SRC: variants seen among roughly 807,000 people sequenced by gnomAD.
SRC encodes the protein SRC proto-oncogene, non-receptor tyrosine kinase.
In SRC, 13 loss-of-function variants were observed where a neutral mutation model predicts 62.9. The ratio of observed to expected loss-of-function variants is 0.21; its 90% CI spans 0.13 to 0.33. The LOEUF (loss-of-function observed/expected upper bound fraction) is 0.33, where lower values mean the gene tolerates loss of function less well. Among genes scored for constraint, SRC ranks in the 10% least tolerant of loss-of-function variants. The pLI is 1.00. For missense variants in SRC, 457 were observed against 737.3 expected, an observed-to-expected ratio of 0.62 and a Z score of 4.40; for synonymous variants, 302 against 317.5, an observed-to-expected ratio of 0.95 and a Z score of 0.52.
Position 37,351,050 on chromosome 20 carries a change from TCCTTC to T in SRC, c.-247+4798_-247+4802del, listed in dbSNP as rs2069794262. Among the ~76,000 whole-genome samples, 1 of 152,198 alleles carries T rather than the reference TCCTTC, an allele frequency of 6.6e-6. No homozygotes were observed. Among genetic ancestry groups the T allele is most frequent in the Non-Finnish European group, 1.5e-5 (1 of 68,028 alleles). ...GACTCTCCCCAGCCAGCCAGCCTCCTCCTTCCCACAGTACAGCCTGGTAAGGCTGA... is the reference window on the plus strand; with the variant it reads ...GACTCTCCCCAGCCAGCCAGCCTCCTCCACAGTACAGCCTGGTAAGGCTGA... On this transcript the variant is annotated intron_variant, in intron 1 of 13. Coordinates refer to ENST00000373578, the MANE Select transcript of SRC (RefSeq NM_198291.3). The surrounding 1 kb of genome is among the most constrained non-coding windows in gnomAD (Gnocchi z 4.4).
intron 2 of SRC, among the ~76,000 whole-genome samples, chr20:37,366,226 A>G (rs562394170): frequency 6.6e-6 from 1 of 152,262 alleles, no homozygotes; most frequent in Non-Finnish European, 1.5e-5. Context: ...ATTGTCTTTC[A>G]GAGAGATTGT....
intron 7 of SRC, among the ~76,000 whole-genome samples, chr20:37,395,514 G>A (rs1395047769): frequency 6.6e-6 from 1 of 152,260 alleles, no homozygotes; most frequent in Non-Finnish European, 1.5e-5. Context: ...CTATGCTCAA[G>A]GGAAAGAGGG....
At chr20:37,346,283 C>A (rs1279720067) in intron 1 of SRC, 28 bp downstream of exon 1, 1 of 149,060 alleles carries the variant, frequency 6.7e-6, no homozygotes, top group East Asian at 2.0e-4. Context: ...CTCCGCGGAC[C>A]CCCCGCCCCG....
chr20:37,370,992 T>TCTTCTTC (rs200522390), intron 2 of SRC, among the ~76,000 whole-genome samples: 1 of 146,508 alleles, frequency 6.8e-6, no homozygotes, highest in African/African-American at 2.5e-5. Context: ...TTCTTCTTCT[T>TCTTCTTC]TTTTTTTTTT....
intron 5 of SRC, among the ~76,000 whole-genome samples, chr20:37,390,628 C>A (rs1601006153): frequency 6.6e-6 from 1 of 152,278 alleles, no homozygotes; most frequent in Non-Finnish European, 1.5e-5. Flanking sequence ...TGGTCTCGAA[C>A]TCCTGACCTC....
Position 37,384,790 on chromosome 20 carries a change from T to TG in SRC, c.250+390dup, listed in dbSNP as rs1304356659. On this transcript the variant is annotated intron_variant, in intron 4 of 13. Coordinates refer to ENST00000373578, the MANE Select transcript of SRC (RefSeq NM_198291.3). The surrounding 1 kb of genome is among the most constrained non-coding windows in gnomAD (Gnocchi z 6.7). ...GGCCCACGTGCGGCGGAGGGGCAGC[T>TG]GGGTCGCTCGGGGAACGGGGCACCG... Among the ~76,000 whole-genome samples the TG allele has an allele frequency of 6.6e-6, 1 of 152,150 alleles. No homozygotes were observed. The highest frequency in any genetic ancestry group is 1.5e-5 in the Non-Finnish European group (1 of 68,004).
intron 5 of SRC, among the ~76,000 whole-genome samples, chr20:37,388,992 T>C (rs2070500792): frequency 6.6e-6 from 1 of 151,926 alleles, no homozygotes; most frequent in South Asian, 2.1e-4. Flanking sequence ...GAATCTAGCA[T>C]GGGGCCCAGG....
In SRC at chr20:37,403,586, A is replaced by G; in HGVS notation, c.*207A>G. ...AGGGCGGTGGGTATGCGAGACCAGC[A>G]CGGTGACTCTGTCCAGCTCCCGCTG... On this transcript the variant is annotated 3_prime_UTR_variant, in exon 14 of 14. Coordinates refer to ENST00000373578, the MANE Select transcript of SRC (RefSeq NM_198291.3). The surrounding 1 kb of genome is among the most constrained non-coding windows in gnomAD (Gnocchi z 7.1). 1 of 601,064 alleles carries G rather than the reference A, an allele frequency of 1.7e-6. No homozygotes were observed. The highest frequency in any genetic ancestry group is 2.0e-5 in the South Asian group (1 of 49,284). 37.2% of individuals were successfully genotyped at this position (601,064 alleles called of 1,614,324 possible).
chr20:37,362,926 T>C (rs554872459), intron 1 of SRC, among the ~76,000 whole-genome samples: 1 of 152,308 alleles, frequency 6.6e-6, no homozygotes, highest in Non-Finnish European at 1.5e-5. Context: ...AAACTGAGGC[T>C]GCAGGACTGA....
chr20:37,357,966 G>T (rs1369340181), intron 1 of SRC, among the ~76,000 whole-genome samples: 10 of 152,206 alleles, frequency 6.6e-5, no homozygotes, highest in Non-Finnish European at 1.5e-4. Context: ...GAGGGATGGG[G>T]TTGGTGGAGG....
intron 1 of SRC, among the ~76,000 whole-genome samples, chr20:37,350,717 C>G (rs781675814): frequency 2.0e-5 from 3 of 152,212 alleles, no homozygotes; most frequent in Non-Finnish European, 2.9e-5. Context: ...CCATTCTCCT[C>G]CCTGTTGGGG....
chr20:37,379,942 TAAAAAAAAA>T (rs57772720), intron 2 of SRC, among the ~76,000 whole-genome samples: 5 of 51,468 alleles, frequency 9.7e-5, no homozygotes, highest in Non-Finnish European at 1.7e-4. Context: ...GAGCTTGGAG[TAAAAAAAAA>T]AAAAAAAAAA....
chr20:37,373,503 G>C (rs2070230085), intron 2 of SRC, among the ~76,000 whole-genome samples: 1 of 149,836 alleles, frequency 6.7e-6, no homozygotes, highest in South Asian at 2.1e-4. Flanking sequence ...TGGATATGAG[G>C]TTTCACCATG....
intron 1 of SRC, among the ~76,000 whole-genome samples, chr20:37,357,023 C>T (rs770111719): frequency 6.6e-6 from 1 of 152,198 alleles, no homozygotes; most frequent in African/African-American, 2.4e-5. Context: ...CTGCCCGCCT[C>T]GTGGGTCTGT....
intron 2 of SRC, among the ~76,000 whole-genome samples, chr20:37,371,474 G>C (rs1324486815): frequency 6.6e-6 from 1 of 151,412 alleles, no homozygotes; most frequent in African/African-American, 2.4e-5. Context: ...TTTTTTTCTT[G>C]TTCAGTGTAG....
At chr20:37,353,281 C>G (rs1279197966) in intron 1 of SRC, among the ~76,000 whole-genome samples, 1 of 152,138 alleles carries the variant, frequency 6.6e-6, no homozygotes, top group African/African-American at 2.4e-5. Flanking sequence ...TCTTTCCCCA[C>G]TGAGCCCGTC....
At chr20:37,394,613 C>T (rs1343232034) in intron 7 of SRC, among the ~76,000 whole-genome samples, 1 of 152,128 alleles carries the variant, frequency 6.6e-6, no homozygotes, top group Admixed American at 6.5e-5. Context: ...TCTTCCTCTT[C>T]CCCAGGGGTC....
intron 2 of SRC, among the ~76,000 whole-genome samples, chr20:37,368,138 C>T (rs1353528826): frequency 6.6e-6 from 1 of 152,078 alleles, no homozygotes; most frequent in African/African-American, 2.4e-5. Context: ...CATAATCTGG[C>T]CAGGTGCGGT....
chr20:37,386,283 G>GCAGCA lies in SRC; in HGVS notation c.350+112_350+113insCACAG. The GCAGCA allele has an allele frequency of 6.4e-6, 7 of 1,088,392 alleles. No homozygotes were observed. The African/African-American group carries it at 1.1e-4, about 17-fold the overall frequency. 67.4% of individuals were successfully genotyped at this position (1,088,392 alleles called of 1,614,324 possible). A position where few individuals can be genotyped will look rare whatever the true frequency, so the allele number is the denominator to read the frequency against. On this transcript the variant is annotated intron_variant, in intron 5 of 13. Coordinates refer to ENST00000373578, the MANE Select transcript of SRC (RefSeq NM_198291.3). ...AGGGCAGCACAGTGCAGAGCCCAGG[G>GCAGCA]CAGTGCGAAGCCCAGGGCAGTGTGG...
Sources: gnomAD v4.1 joint callset for allele counts (sites outside exome capture counted in the v4.1 genomes callset) on GRCh38, gnomAD v4.1.1 for gene constraint, Gnocchi (gnomAD v3.1) non-coding constraint, MANE v1.5 for transcripts, NCBI Gene and HGNC (gene_info 2026-07-23, HGNC 2026-07-21) for gene names.